The following MAP3K4 variants were observed in gnomAD, a reference collection of about 807,000 sequenced individuals.
MAP3K4 encodes MAP three kinase 1.
A neutral mutation model predicts 185.6 loss-of-function variants in MAP3K4; 67 were observed. The observed-to-expected ratio is 0.36, with a 90% CI of 0.30 to 0.44. The LOEUF is 0.44. Among genes scored for constraint, MAP3K4 ranks in the 20% least tolerant of loss-of-function variants. MAP3K4 has a pLI of 1.00. For synonymous variants in MAP3K4, 702 were observed against 710.4 expected (o/e 0.99, Z 0.19); for missense variants, 1,551 against 1,995.1 (o/e 0.78, Z 4.24).
intron 2 of MAP3K4, among the ~76,000 whole-genome samples, chr6:161,038,064 C>T (rs758995621): frequency 2.0e-5 from 3 of 152,006 alleles, no homozygotes; most frequent in Non-Finnish European, 2.9e-5. Flanking sequence ...GCCTTTCTCA[C>T]GCTTTCTCTC....
chr6:161,085,145 CA>C (rs35026195), intron 7 of MAP3K4, among the ~76,000 whole-genome samples: 114,129 of 140,586 alleles, frequency 0.81, 45,666 homozygotes, highest in East Asian at 0.94. Flanking sequence ...GACTCCGTCT[CA>C]AAAAAAAAAA....
In MAP3K4 at chr6:161,034,462, C is replaced by G; in HGVS notation, c.343+13C>G. 2 of 1,610,662 alleles carry G rather than the reference C, an allele frequency of 1.2e-6. No individual in the cohort carries two copies. Among genetic ancestry groups the G allele is most frequent in the African/African-American group, 2.7e-5 (2 of 74,934 alleles). On this transcript the variant is annotated intron_variant, in intron 2 of 26. Transcript: ENST00000392142. This position sits in a 1 kb window ranked among gnomAD's most constrained non-coding sequence, Gnocchi z 4.4. ...TCTAATTTGAAAGGTGAGTCTTGTA[C>G]TTGAAAAGAGGTGTACATGAGAGGG...
At position 161,112,323 on chromosome 6, in the gene MAP3K4, C is replaced by G. The variant is rs1778392254; in HGVS notation, c.4520-345C>G. On this transcript the variant is annotated intron_variant, in intron 24 of 26. Transcript: ENST00000392142. The surrounding 1 kb of genome is among the most constrained non-coding windows in gnomAD (Gnocchi z 5.1). ...CAGTCTCGTTGGCTGCCTGCCTGTC[C>G]ACTACCTTGTCTAAACAACACTATG... Among the ~76,000 whole-genome samples the G allele has an allele frequency of 6.6e-6, 1 of 152,170 alleles. No homozygotes were observed. Among genetic ancestry groups the G allele is most frequent in the Non-Finnish European group, 1.5e-5 (1 of 68,032 alleles).
chr6:161,010,770 A>G (rs535345377), intron 1 of MAP3K4, among the ~76,000 whole-genome samples: 149 of 152,348 alleles, frequency 9.8e-4, no homozygotes, highest in African/African-American at 3.4e-3. Context: ...GATAGAACCT[A>G]CTTGTAGGTT....
rs566121466 is a variant in MAP3K4 at position 161,092,216 on chromosome 6, G to A, written c.3269+73G>A. ...GGTATTTGTTCATATATGTTCTGTG[G>A]GATTCTTTTTGAGCAGACGACACAG... On this transcript the variant is annotated intron_variant, in intron 13 of 26. Transcript: ENST00000392142. 1.9e-6 allele frequency: 3 copies of A among 1,543,344 alleles called. No individual in the cohort carries two copies. In the African/African-American group the frequency reaches 4.1e-5, roughly 21 times the overall value.
chr6:161,018,152 T>G (rs1258419604), intron 1 of MAP3K4, among the ~76,000 whole-genome samples: 1 of 152,136 alleles, frequency 6.6e-6, no homozygotes, highest in Non-Finnish European at 1.5e-5. Context: ...GTGAACTTGC[T>G]GAGTGGAGGA....
chr6:161,068,916 G>A (rs1562518708), intron 3 of MAP3K4, among the ~76,000 whole-genome samples: 2 of 152,206 alleles, frequency 1.3e-5, no homozygotes, highest in South Asian at 2.1e-4. Context: ...GTGATTCCTT[G>A]AGTCCTCTGA....
At chr6:161,010,698 A>T (rs1781805108) in intron 1 of MAP3K4, among the ~76,000 whole-genome samples, 1 of 152,216 alleles carries the variant, frequency 6.6e-6, no homozygotes, top group South Asian at 2.1e-4. Flanking sequence ...TTAAATACTC[A>T]AACACTAATA....
chr6:161,091,483 C>A lies in MAP3K4; in HGVS notation c.3078C>A (p.Val1026=), dbSNP rs1243689240. Residue 1026 remains valine, a synonymous_variant, in exon 12 of 27, where the codon GTC becomes GTA. Coordinates refer to ENST00000392142, the MANE Select transcript of MAP3K4 (RefSeq NM_005922.4). This position sits in a 1 kb window ranked among gnomAD's most constrained non-coding sequence, Gnocchi z 5.5. The part of the protein sequence containing the change: ...FDAEVDESES[V]TLQQYYREAM... ...CTGAGGTTGATGAATCTGAATCTGT[C>A]ACCTTGCAACAGTACTACCGAGAAG... is the stretch of plus-strand genomic sequence containing the variant. 1.2e-6 allele frequency: 2 copies of A among 1,614,012 alleles called. No individual in the cohort carries two copies. Among genetic ancestry groups the A allele is most frequent in the Admixed American group, 3.3e-5 (2 of 59,998 alleles).
rs1043217381 is a variant in MAP3K4, at chr6:161,084,882, C to T, written c.2372+265C>T. Among the ~76,000 whole-genome samples, 3 of 152,162 alleles carry T rather than the reference C, an allele frequency of 2.0e-5. No individual in the cohort carries two copies. The highest frequency in any genetic ancestry group is 4.4e-5 in the Non-Finnish European group (3 of 68,032). On this transcript the variant is annotated intron_variant, in intron 7 of 26. Coordinates refer to ENST00000392142, the MANE Select transcript of MAP3K4 (RefSeq NM_005922.4). This position sits in a 1 kb window ranked among gnomAD's most constrained non-coding sequence, Gnocchi z 4.6. ...TGCCAACTGGCTGGGCGCGGTGGCT[C>T]ACGCCTGTAATCCCAGTACTTTGGG...
rs1330310545 is a variant in MAP3K4 at position 161,048,776 on chromosome 6, C to A, written c.504C>A (p.Asp168Glu). 6.2e-7 allele frequency: 1 copy of A among 1,614,088 alleles called. No homozygotes were observed. ...ATGTACAGTGCTCATTCATGTTAGA[C>A]TCAGTGGGTGGATCTTTGCCAAAAA... ...KKNVQCSFML[D>E]SVGGSLPKKS... The change falls in exon 3 of 27, where the codon GAC becomes GAA. Residue 168 changes from aspartate (D) to glutamate (E), a missense_variant. This residue lies in a region of MAP3K4 where 287 missense variants were observed against 268.8 expected (regional missense o/e 1.07). Coordinates refer to ENST00000392142, the MANE Select transcript of MAP3K4 (RefSeq NM_005922.4). The surrounding 1 kb of genome is among the most constrained non-coding windows in gnomAD (Gnocchi z 4.7).
Position 161,011,325 on chromosome 6 carries a change from CT to C in MAP3K4, c.152+19249del, listed in dbSNP as rs530644744. Among the ~76,000 whole-genome samples the C allele has an allele frequency of 4.6e-5, 7 of 152,192 alleles. No individual in the cohort carries two copies. The South Asian group carries it at 1.2e-3, about 27-fold the overall frequency. ...TAAATTGATAAAATGAGTATGGTGA[CT>C]TTTTTTCTATAAAGTTAAATTAATT... On this transcript the variant is annotated intron_variant, in intron 1 of 26. Coordinates refer to ENST00000392142, the MANE Select transcript of MAP3K4 (RefSeq NM_005922.4).
chr6:161,061,610 ACCT>A lies in MAP3K4; in HGVS notation c.1708-8995_1708-8993del, dbSNP rs1463127647. 6.6e-6 allele frequency among the ~76,000 whole-genome samples: 1 copy of A among 152,126 alleles called. No homozygotes were observed. The highest frequency in any genetic ancestry group is 1.5e-5 in the Non-Finnish European group (1 of 68,022). ...AGAAGTCCTGTACCCTTTAGCTGTC[ACCT>A]CCACAATTCCTGTGCTCACTAGCCC... is the stretch of plus-strand genomic sequence containing the variant. On this transcript the variant is annotated intron_variant, in intron 3 of 26. Coordinates refer to ENST00000392142, the MANE Select transcript of MAP3K4 (RefSeq NM_005922.4). This position sits in a 1 kb window ranked among gnomAD's most constrained non-coding sequence, Gnocchi z 4.2.
chr6:161,061,210 C>T lies in MAP3K4; in HGVS notation c.1708-9398C>T, dbSNP rs375623391. 6.6e-6 allele frequency among the ~76,000 whole-genome samples: 1 copy of T among 152,126 alleles called. No individual in the cohort carries two copies. Among genetic ancestry groups the T allele is most frequent in the East Asian group, 1.9e-4 (1 of 5,186 alleles). On this transcript the variant is annotated intron_variant, in intron 3 of 26. Coordinates refer to ENST00000392142, the MANE Select transcript of MAP3K4 (RefSeq NM_005922.4). The surrounding 1 kb of genome is among the most constrained non-coding windows in gnomAD (Gnocchi z 4.2). ...TTGAGAAGCCCAATGTTCTGTGATA[C>T]CAGGTGTGACAGAATATCAGATACT...
In MAP3K4 at chr6:161,026,733, C is replaced by CTTTTTTTTTTT. The variant is rs553664182; in HGVS notation, c.153-7512_153-7502dup. Among the ~76,000 whole-genome samples the CTTTTTTTTTTT allele has an allele frequency of 3.6e-4, 35 of 96,094 alleles. 1 individual carries two copies. Among genetic ancestry groups the CTTTTTTTTTTT allele is most frequent in the Non-Finnish European group, 4.3e-4 (22 of 50,616 alleles). The allele number at this position is 96,094 out of a possible 152,430, so 63.0% of individuals were successfully genotyped here. ...TGGAATGCCCAAAGGGTTCTCTCTC[C>CTTTTTTTTTTT]TTTTTTTTTTTTTTTTTTTTTTTTG... On this transcript the variant is annotated intron_variant, in intron 1 of 26. Coordinates refer to ENST00000392142, the MANE Select transcript of MAP3K4 (RefSeq NM_005922.4).
intron 1 of MAP3K4, among the ~76,000 whole-genome samples, chr6:161,019,738 T>A (rs187060285): frequency 6.6e-6 from 1 of 152,174 alleles, no homozygotes; most frequent in Non-Finnish European, 1.5e-5. Context: ...TTTTTTATTG[T>A]GTTTAGTCGT....
At position 161,086,092 on chromosome 6, in the gene MAP3K4, A is replaced by G. The variant is rs144451817; in HGVS notation, c.2373-287A>G. The stretch of plus-strand genomic sequence containing the variant: ...AGAACTTAACCTTAAACTCCAAGAA[A>G]TGATCATAATGAAATGTTAAGAAAA... On this transcript the variant is annotated intron_variant, in intron 7 of 26. Coordinates refer to ENST00000392142, the MANE Select transcript of MAP3K4 (RefSeq NM_005922.4). The surrounding 1 kb of genome is among the most constrained non-coding windows in gnomAD (Gnocchi z 4.8). 1.7e-3 allele frequency among the ~76,000 whole-genome samples: 260 copies of G among 152,334 alleles called. 2 individuals are homozygous for G. Among genetic ancestry groups the G allele is most frequent in the African/African-American group, 5.9e-3 (245 of 41,590 alleles).
rs926137627 is a variant in MAP3K4, at chr6:161,043,317, T to C, written c.344-5299T>C. Among the ~76,000 whole-genome samples, 6 of 152,230 alleles carry C rather than the reference T, an allele frequency of 3.9e-5. No individual in the cohort carries two copies. Among genetic ancestry groups the C allele is most frequent in the African/African-American group, 1.4e-4 (6 of 41,456 alleles). On this transcript the variant is annotated intron_variant, in intron 2 of 26. Coordinates refer to ENST00000392142, the MANE Select transcript of MAP3K4 (RefSeq NM_005922.4). This position sits in a 1 kb window ranked among gnomAD's most constrained non-coding sequence, Gnocchi z 4.3. ...TGCTGGCTTCAGATATGCTCTTGCC[T>C]TCTTTACTTCCCTTATTTAAGCTTC...
intron 15 of MAP3K4, among the ~76,000 whole-genome samples, chr6:161,094,574 T>C (rs1583225379): frequency 6.6e-6 from 1 of 152,158 alleles, no homozygotes; most frequent in East Asian, 1.9e-4. Flanking sequence ...AGAAAGAAAC[T>C]TAGAAATTTT....
Sources: gnomAD v4.1 joint callset for allele counts (sites outside exome capture counted in the v4.1 genomes callset) on GRCh38, gnomAD v4.1.1 for gene constraint, gnomAD v4.1.1 regional missense constraint, Gnocchi (gnomAD v3.1) non-coding constraint, MANE v1.5 for transcripts, NCBI Gene and HGNC (gene_info 2026-07-23, HGNC 2026-07-21) for gene names.